The following ZNF608 variants were observed in gnomAD, a reference collection of about 807,000 sequenced individuals.
The protein encoded by ZNF608 is zinc finger protein 608.
A neutral mutation model predicts 109.0 loss-of-function variants in ZNF608; 12 were observed. That is an observed-to-expected ratio of 0.11 (90% CI 0.07 to 0.18). ZNF608 has a LOEUF of 0.18. ZNF608 is among the 10% of genes least tolerant of loss of function. ZNF608 has a pLI of 1.00. For synonymous variants in ZNF608, 732 were observed against 717.4 expected, an observed-to-expected ratio of 1.02 and a Z score of -0.33; for missense variants, 1,707 against 1,879.3, an observed-to-expected ratio of 0.91 and a Z score of 1.70.
chr5:124,656,797 TAAACACACAC>T (rs1458201628), intron 3 of ZNF608, among the ~76,000 whole-genome samples: 5 of 86,020 alleles, frequency 5.8e-5, no homozygotes, highest in African/African-American at 1.8e-4. Context: ...GAATAAGCCC[TAAACACACAC>T]ACACACACAC....
chr5:124,656,799 A>AACAC (rs35634231), intron 3 of ZNF608, among the ~76,000 whole-genome samples: 8,924 of 123,826 alleles, frequency 0.072, 373 homozygotes, highest in Middle Eastern at 0.14. Flanking sequence ...ATAAGCCCTA[A>AACAC]ACACACACAC....
chr5:124,665,856 C>T (rs1242921170), intron 3 of ZNF608, among the ~76,000 whole-genome samples: 1 of 152,236 alleles, frequency 6.6e-6, no homozygotes, highest in African/African-American at 2.4e-5. Flanking sequence ...AACAAATCTC[C>T]TCCCAATAGC....
intron 2 of ZNF608, among the ~76,000 whole-genome samples, chr5:124,711,933 G>C (rs1013383479): frequency 6.6e-6 from 1 of 152,168 alleles, no homozygotes; most frequent in African/African-American, 2.4e-5. Context: ...AAAGCACACT[G>C]GAAGCCATGG....
chr5:124,725,460 G>T (rs1580700944), intron 2 of ZNF608, among the ~76,000 whole-genome samples: 1 of 151,958 alleles, frequency 6.6e-6, no homozygotes, highest in African/African-American at 2.4e-5. Context: ...AGTAAGGAAT[G>T]AATAAAGGAA....
intron 3 of ZNF608, among the ~76,000 whole-genome samples, chr5:124,691,874 C>A (rs1752642949): frequency 6.6e-6 from 1 of 151,492 alleles, no homozygotes; most frequent in African/African-American, 2.4e-5. Flanking sequence ...TAACTAAGTT[C>A]TAGAGATCTG....
chr5:124,719,100 C>T (rs912457464), intron 2 of ZNF608, among the ~76,000 whole-genome samples: 1 of 152,126 alleles, frequency 6.6e-6, no homozygotes, highest in Non-Finnish European at 1.5e-5. Flanking sequence ...GAACAAAAAT[C>T]AAAATGTGTG....
chr5:124,649,908 G>A (rs1750705337), intron 3 of ZNF608, among the ~76,000 whole-genome samples: 1 of 152,236 alleles, frequency 6.6e-6, no homozygotes, highest in African/African-American at 2.4e-5. Flanking sequence ...TCGTGCGCGT[G>A]CGCATGTGGT....
chr5:124,693,716 T>C (rs1329005621), intron 3 of ZNF608, among the ~76,000 whole-genome samples: 1 of 152,164 alleles, frequency 6.6e-6, no homozygotes, highest in Non-Finnish European at 1.5e-5. Flanking sequence ...ACGGTCTATG[T>C]TGTTGCTTTC....
At chr5:124,732,544 C>CA (rs779598186) in intron 2 of ZNF608, among the ~76,000 whole-genome samples, 2,138 of 101,802 alleles carry the variant, frequency 0.021, 15 homozygotes, top group East Asian at 0.035. Context: ...TTTGTTTGTT[C>CA]AAAAAAAAAA....
At chr5:124,741,763 T>G (rs1242995654) in intron 2 of ZNF608, among the ~76,000 whole-genome samples, 1 of 151,984 alleles carries the variant, frequency 6.6e-6, no homozygotes, top group Non-Finnish European at 1.5e-5. Flanking sequence ...TGCAAGGGAG[T>G]GCCATTTCTG....
chr5:124,649,241 G>A (rs1750678384), intron 4 of ZNF608, 108 bp from the exon 5 acceptor site: 1 of 895,038 alleles, frequency 1.1e-6, no homozygotes. Flanking sequence ...GTAGCTTCAG[G>A]GCTGGGCCCA....
At chr5:124,643,299 G>A (rs1303849097) in intron 7 of ZNF608, among the ~76,000 whole-genome samples, 1 of 152,038 alleles carries the variant, frequency 6.6e-6, no homozygotes, top group African/African-American at 2.4e-5. Flanking sequence ...CAACAGAAAA[G>A]CTTGCTACTG....
chr5:124,705,148 C>A (rs1753209651), intron 2 of ZNF608, among the ~76,000 whole-genome samples: 1 of 152,178 alleles, frequency 6.6e-6, no homozygotes, highest in Admixed American at 6.5e-5. Context: ...CTCCACTGCA[C>A]CCTGGTTTCT....
chr5:124,670,333 C>CTTT (rs199562758), intron 3 of ZNF608, among the ~76,000 whole-genome samples: 1 of 147,516 alleles, frequency 6.8e-6, no homozygotes, highest in Non-Finnish European at 1.5e-5. Context: ...CTTTTTCTTT[C>CTTT]TTTCTTTTTT....
chr5:124,712,887 T>A (rs1036046863), intron 2 of ZNF608, among the ~76,000 whole-genome samples: 2 of 152,212 alleles, frequency 1.3e-5, no homozygotes, highest in African/African-American at 4.8e-5. Context: ...GTCACCTATT[T>A]TTCCATTAGA....
chr5:124,743,984 G>A, intron 2 of ZNF608, 100 bp downstream of exon 2: 10 of 1,470,450 alleles, frequency 6.8e-6, no homozygotes, highest in Non-Finnish European at 9.1e-6. Context: ...CAAAGAACCA[G>A]AAAGCATAAA....
chr5:124,733,742 GT>G (rs1433973776), intron 2 of ZNF608, among the ~76,000 whole-genome samples: 1 of 152,038 alleles, frequency 6.6e-6, no homozygotes, highest in Non-Finnish European at 1.5e-5. Context: ...CAATCTGGCT[GT>G]TTTTTTCTAC....
At position 124,647,532 on chromosome 5, in the gene ZNF608, G is replaced by C. The variant is rs1240624980; in HGVS notation, c.2852C>G (p.Ser951Cys). Residue 951 changes from serine to cysteine, a missense_variant, in exon 5 of 10, where the codon TCT becomes TGT. By Grantham distance (112) the Ser-to-Cys change is moderately radical. Coordinates refer to ENST00000513986, the MANE Select transcript of ZNF608 (RefSeq NM_020747.3). ...DISDAADDGG[S>C]DSRSEGMRSK... ...TCTCATACCCTCCGACCTGCTGTCA[G>C]AACCACCATCGTCAGCAGCATCAGA... The C allele has an allele frequency of 1.9e-6, 3 of 1,613,970 alleles. No individual in the cohort carries two copies. The highest frequency in any genetic ancestry group is 2.5e-6 in the Non-Finnish European group (3 of 1,179,990).
intron 2 of ZNF608, among the ~76,000 whole-genome samples, chr5:124,714,672 C>T (rs1035680137): frequency 6.6e-6 from 1 of 152,056 alleles, no homozygotes; most frequent in Admixed American, 6.5e-5. Flanking sequence ...ACATAAAGCC[C>T]GTCGTAGTAT....
Sources: allele counts gnomAD v4.1 joint callset (sites outside exome capture counted in the v4.1 genomes callset), GRCh38; gene constraint gnomAD v4.1.1; transcripts MANE v1.5; gene names NCBI Gene and HGNC (gene_info 2026-07-23, HGNC 2026-07-21).